The following GALNT10 variants were observed in gnomAD, a reference collection of about 807,000 sequenced individuals.
GALNT10 encodes polypeptide N-acetylgalactosaminyltransferase 10.
GALNT10 carries 41 observed loss-of-function variants against 75.0 expected under a neutral mutation model. The ratio of observed to expected loss-of-function variants is 0.55; its 90% CI spans 0.43 to 0.71. The LOEUF (loss-of-function observed/expected upper bound fraction) is 0.71, where lower values mean the gene tolerates loss of function less well. GALNT10 is among the 30% of genes least tolerant of loss of function. The probability of loss-of-function intolerance (pLI) is 0.00; values close to 1 mark genes in which losing one functional copy is unlikely to be tolerated. For missense variants in GALNT10, 727 were observed against 818.5 expected (o/e 0.89, Z 1.36); for synonymous variants, 302 against 313.0 (o/e 0.96, Z 0.37).
At chr5:154,194,587 T>C (rs984019929) in intron 1 of GALNT10, among the ~76,000 whole-genome samples, 1 of 152,172 alleles carries the variant, frequency 6.6e-6, no homozygotes, top group African/African-American at 2.4e-5. Flanking sequence ...AGACCTGGCT[T>C]TTAGTCCTTT....
At chr5:154,214,482 C>A (rs922307147) in intron 1 of GALNT10, among the ~76,000 whole-genome samples, 4 of 152,068 alleles carry the variant, frequency 2.6e-5, no homozygotes, top group South Asian at 2.1e-4. Context: ...AGAAAAAAAA[C>A]CCCAAACCTC....
chr5:154,353,798 C>T (rs1755247654), intron 4 of GALNT10, among the ~76,000 whole-genome samples: 1 of 152,164 alleles, frequency 6.6e-6, no homozygotes, highest in South Asian at 2.1e-4. Context: ...ACTCAAGAGT[C>T]CCCTCCTCTG....
intron 2 of GALNT10, among the ~76,000 whole-genome samples, chr5:154,297,672 C>A (rs560764060): frequency 6.6e-6 from 1 of 152,302 alleles, no homozygotes; most frequent in South Asian, 2.1e-4. Flanking sequence ...GATAACCTTT[C>A]TCAGTCTCAG....
At chr5:154,268,781 T>G (rs895465790) in intron 1 of GALNT10, among the ~76,000 whole-genome samples, 7 of 152,152 alleles carry the variant, frequency 4.6e-5, no homozygotes, top group African/African-American at 1.7e-4. Context: ...GAGCACCTCA[T>G]AAGAGAAAAG....
Position 154,376,181 on chromosome 5 carries a change from T to G in GALNT10, c.569-96T>G, listed in dbSNP as rs1442070573. The stretch of plus-strand genomic sequence containing the variant: ...TGAGGCAGTGTACAGGAAAGCTGTG[T>G]CTAGACTGTGAAGTGCAGTTCACAT... On this transcript the variant is annotated intron_variant, in intron 4 of 11. Transcript: ENST00000297107. The surrounding 1 kb of genome is among the most constrained non-coding windows in gnomAD (Gnocchi z 4.1). 3.7e-6 allele frequency: 3 copies of G among 802,808 alleles called. No individual in the cohort carries two copies. The highest frequency in any genetic ancestry group is 4.3e-6 in the Non-Finnish European group (2 of 468,090). 49.7% of individuals were successfully genotyped at this position (802,808 alleles called of 1,614,324 possible).
intron 4 of GALNT10, chr5:154,338,018 C>A: frequency 6.5e-7 from 1 of 1,530,686 alleles, no homozygotes; most frequent in Non-Finnish European, 8.9e-7. Context: ...CTCGATCAGT[C>A]ATGATTGCAA....
chr5:154,305,163 G>A lies in GALNT10; in HGVS notation c.401+7084G>A, dbSNP rs969579178. ...AAATATATATTAGCCAGGCATAGTG[G>A]CATATGTTTGTAGTCCCAGCTACTT... On this transcript the variant is annotated intron_variant, in intron 3 of 11. Transcript: ENST00000297107. Among the ~76,000 whole-genome samples the A allele has an allele frequency of 9.9e-5, 15 of 152,144 alleles. No homozygotes were observed. The South Asian group carries it at 2.9e-3, about 29-fold the overall frequency.
chr5:154,193,005 G>A (rs1225211435), intron 1 of GALNT10, among the ~76,000 whole-genome samples: 1 of 152,152 alleles, frequency 6.6e-6, no homozygotes, highest in African/African-American at 2.4e-5. Context: ...CTTTTGGGCA[G>A]GGAGAGAGAG....
intron 8 of GALNT10, among the ~76,000 whole-genome samples, chr5:154,407,610 G>C (rs956670973): frequency 6.6e-6 from 1 of 152,130 alleles, no homozygotes; most frequent in Non-Finnish European, 1.5e-5. Context: ...TCTGTGACTC[G>C]AGCAGGTTAG....
intron 1 of GALNT10, among the ~76,000 whole-genome samples, chr5:154,254,552 T>C (rs1236945683): frequency 1.3e-5 from 2 of 151,608 alleles, no homozygotes; most frequent in Non-Finnish European, 2.9e-5. Context: ...TTATTAGTAA[T>C]GAATTCCTGA....
intron 1 of GALNT10, among the ~76,000 whole-genome samples, chr5:154,215,948 A>C (rs1752866666): frequency 1.3e-5 from 2 of 152,128 alleles, no homozygotes; most frequent in African/African-American, 4.8e-5. Context: ...TAGGTATATA[A>C]AGATTTATTT....
At chr5:154,196,476 G>A (rs958108631) in intron 1 of GALNT10, among the ~76,000 whole-genome samples, 2 of 152,184 alleles carry the variant, frequency 1.3e-5, no homozygotes, top group African/African-American at 4.8e-5. Context: ...CAGGTATGGT[G>A]TGATCTAGAG....
At chr5:154,270,877 C>CCAGCTACT (rs962960072) in intron 1 of GALNT10, among the ~76,000 whole-genome samples, 13 of 151,854 alleles carry the variant, frequency 8.6e-5, no homozygotes, top group South Asian at 8.3e-4. Flanking sequence ...ACCTGTAGTC[C>CCAGCTACT]CAGCTACTCG....
Position 154,410,389 on chromosome 5 carries a change from A to G in GALNT10, c.1386+627A>G, listed in dbSNP as rs959689482. Reference sequence around the variant, plus strand: ...GACCCTGTCTCTACAAAAAAAAAAAAAAAAAAGAAAAAATTAGCCAGGCGT... The same window carrying G: ...GACCCTGTCTCTACAAAAAAAAAAAGAAAAAAGAAAAAATTAGCCAGGCGT... On this transcript the variant is annotated intron_variant, in intron 9 of 11. Transcript: ENST00000297107. 1.9e-4 allele frequency among the ~76,000 whole-genome samples: 29 copies of G among 151,954 alleles called. No homozygotes were observed. In the East Asian group the frequency reaches 2.9e-3, roughly 15 times the overall value.
At chr5:154,308,010 A>C (rs965456533) in intron 3 of GALNT10, among the ~76,000 whole-genome samples, 3 of 147,976 alleles carry the variant, frequency 2.0e-5, no homozygotes, top group Non-Finnish European at 4.5e-5. Flanking sequence ...AGAGATCTTT[A>C]TTCACAAAGA....
chr5:154,270,555 G>A (rs1324316680), intron 1 of GALNT10, among the ~76,000 whole-genome samples: 1 of 152,082 alleles, frequency 6.6e-6, no homozygotes, highest in Non-Finnish European at 1.5e-5. Context: ...GCACTTCCAT[G>A]TGCATGGTCC....
intron 7 of GALNT10, chr5:154,387,695 G>C (rs1414047028): frequency 2.0e-5 from 3 of 152,008 alleles, no homozygotes; most frequent in African/African-American, 7.2e-5. Flanking sequence ...AGAGGATTAA[G>C]TGAGACCATG....
chr5:154,416,689 A>C lies in GALNT10; in HGVS notation c.1654-125A>C. On this transcript the variant is annotated intron_variant, in intron 11 of 11. Transcript: ENST00000297107. This position sits in a 1 kb window ranked among gnomAD's most constrained non-coding sequence, Gnocchi z 4.5. ...GGCTTGTGAGCTCAGGAGGAAAACC[A>C]ACAGGTGTATGAACAGCTAGTCAGT... is the stretch of plus-strand genomic sequence containing the variant. The C allele has an allele frequency of 1.4e-6, 1 of 721,530 alleles. No homozygotes were observed. Among genetic ancestry groups the C allele is most frequent in the Non-Finnish European group, 2.4e-6 (1 of 413,970 alleles). 44.7% of individuals were successfully genotyped at this position (721,530 alleles called of 1,614,324 possible).
At chr5:154,203,802 G>A (rs1561627471) in intron 1 of GALNT10, among the ~76,000 whole-genome samples, 1 of 152,192 alleles carries the variant, frequency 6.6e-6, no homozygotes, top group Non-Finnish European at 1.5e-5. Context: ...TTGTGAGCCT[G>A]GGCTTCCTCC....
Sources: gnomAD v4.1 joint callset for allele counts (sites outside exome capture counted in the v4.1 genomes callset) on GRCh38, gnomAD v4.1.1 for gene constraint, Gnocchi (gnomAD v3.1) non-coding constraint, MANE v1.5 for transcripts, NCBI Gene and HGNC (gene_info 2026-07-23, HGNC 2026-07-21) for gene names.